The following ANTXR1 variants were observed in gnomAD, a reference collection of about 807,000 sequenced individuals.
The protein encoded by ANTXR1 is anthrax toxin receptor 1.
Under a neutral mutation model 78.1 loss-of-function variants are expected in ANTXR1, and 19 were observed. That is an observed-to-expected ratio of 0.24 (90% CI 0.17 to 0.36). The LOEUF (loss-of-function observed/expected upper bound fraction) is 0.36, where lower values mean the gene tolerates loss of function less well. ANTXR1 is among the 10% of genes least tolerant of loss of function. The pLI is 1.00. For missense variants in ANTXR1, 518 were observed against 718.6 expected (o/e 0.72, Z 3.19); for synonymous variants, 273 against 260.5 (o/e 1.05, Z -0.46).
chr2:69,134,973 A>C (rs1672867869), intron 12 of ANTXR1: 1 of 348,392 alleles, frequency 2.9e-6, no homozygotes, highest in Admixed American at 2.9e-5. Flanking sequence ...TATTATGATT[A>C]CTATTATTAT....
rs548379960 is a variant in ANTXR1 at position 69,152,390 on chromosome 2, T to C, written c.1047+126T>C. ...GACAAATCTTGCATTTTTTATACAA[T>C]TTATACAAAATTGATGTGAACTGAC... On this transcript the variant is annotated intron_variant, in intron 13 of 17. Transcript: ENST00000303714. 6.2e-6 allele frequency: 6 copies of C among 962,732 alleles called. No homozygotes were observed. The East Asian group carries it at 1.3e-4, about 21-fold the overall frequency. The allele number at this position is 962,732 out of a possible 1,614,324, so 59.6% of individuals were successfully genotyped here. A position where few individuals can be genotyped will look rare whatever the true frequency, so the allele number is the denominator to read the frequency against.
At chr2:69,035,480 C>T (rs1477193919) in intron 1 of ANTXR1, among the ~76,000 whole-genome samples, 1 of 152,020 alleles carries the variant, frequency 6.6e-6, no homozygotes, top group Non-Finnish European at 1.5e-5. Context: ...CGAGATACCC[C>T]TTTACTCTCT....
At chr2:69,174,445 A>G (rs1380341163) in intron 14 of ANTXR1, among the ~76,000 whole-genome samples, 50 of 152,106 alleles carry the variant, frequency 3.3e-4, no homozygotes, top group Non-Finnish European at 2.9e-5. Context: ...CCAACATGGC[A>G]AAACACTGTC....
At chr2:69,215,936 T>C (rs538496314) in intron 17 of ANTXR1, among the ~76,000 whole-genome samples, 7 of 151,970 alleles carry the variant, frequency 4.6e-5, no homozygotes, top group Non-Finnish European at 8.8e-5. Flanking sequence ...TGGAAGCCAG[T>C]CATTTACACT....
intron 8 of ANTXR1, among the ~76,000 whole-genome samples, chr2:69,080,609 G>A (rs1181141146): frequency 1.3e-5 from 2 of 152,180 alleles, no homozygotes; most frequent in Non-Finnish European, 2.9e-5. Context: ...GCAGGTAGAG[G>A]CTCTGTCCTG....
intron 16 of ANTXR1, among the ~76,000 whole-genome samples, chr2:69,186,441 T>C (rs2104468049): frequency 6.6e-6 from 1 of 152,356 alleles, no homozygotes; most frequent in South Asian, 2.1e-4. Flanking sequence ...TTTAGCCTTA[T>C]GTGGTACCAT....
chr2:69,156,832 G>C (rs1190183973), intron 13 of ANTXR1, among the ~76,000 whole-genome samples: 1 of 152,210 alleles, frequency 6.6e-6, no homozygotes, highest in Non-Finnish European at 1.5e-5. Context: ...ATGACTGATG[G>C]CTGCAATCAG....
At chr2:69,207,997 G>A (rs1674949945) in intron 17 of ANTXR1, among the ~76,000 whole-genome samples, 1 of 152,160 alleles carries the variant, frequency 6.6e-6, no homozygotes, top group African/African-American at 2.4e-5. Flanking sequence ...GACATTCAAA[G>A]GTAGGCACAA....
At position 69,124,348 on chromosome 2, in the gene ANTXR1, C is replaced by T. The variant is rs1020187906; in HGVS notation, c.873-217C>T. On this transcript the variant is annotated intron_variant, in intron 11 of 17. Coordinates refer to ENST00000303714, the MANE Select transcript of ANTXR1 (RefSeq NM_032208.3). Reference sequence around the variant, plus strand: ...GCCTTAATATACCAGCCAAGCATATCCTGACACTTCTCTAAACTTTAAAGG... The same window carrying T: ...GCCTTAATATACCAGCCAAGCATATTCTGACACTTCTCTAAACTTTAAAGG... 9.2e-5 allele frequency among the ~76,000 whole-genome samples: 14 copies of T among 152,316 alleles called. No homozygotes were observed. In the South Asian group the frequency reaches 1.4e-3, roughly 16 times the overall value.
intron 16 of ANTXR1, among the ~76,000 whole-genome samples, chr2:69,184,864 A>C (rs1674381573): frequency 6.6e-6 from 1 of 152,190 alleles, no homozygotes; most frequent in African/African-American, 2.4e-5. Context: ...AGTGATTTAA[A>C]AAATACAGAT....
chr2:69,070,622 C>A lies in ANTXR1; in HGVS notation c.297-25C>A, dbSNP rs767665224. The stretch of plus-strand genomic sequence containing the variant: ...CAAAGTAAAAAATACTCAAATAAGA[C>A]TAACAGAGTGTCTTTGGATTTCAGA... On this transcript the variant is annotated intron_variant, in intron 3 of 17. Transcript: ENST00000303714. 12 of 1,610,224 alleles carry A rather than the reference C, an allele frequency of 7.5e-6. No individual in the cohort carries two copies. The African/African-American group carries it at 1.3e-4, about 18-fold the overall frequency.
chr2:69,243,888 T>C (rs572796560), intron 17 of ANTXR1, among the ~76,000 whole-genome samples: 1 of 152,176 alleles, frequency 6.6e-6, no homozygotes, highest in Non-Finnish European at 1.5e-5. Context: ...AGCAATTCTG[T>C]AGGCATCCAG....
rs1056157634 is a variant in ANTXR1 at position 69,013,787 on chromosome 2, G to A, written c.152+136G>A. ...GCCACAGAGGGACCGCGCGGCAGGC[G>A]GCGGCGGAGTGCTGCGCCTTTGTTG... On this transcript the variant is annotated intron_variant, in intron 1 of 17. Coordinates refer to ENST00000303714, the MANE Select transcript of ANTXR1 (RefSeq NM_032208.3). This position sits in a 1 kb window ranked among gnomAD's most constrained non-coding sequence, Gnocchi z 5.0. The A allele has an allele frequency of 2.1e-5, 30 of 1,447,878 alleles. No homozygotes were observed. In the East Asian group the frequency reaches 3.0e-4, roughly 14 times the overall value. The allele number at this position is 1,447,878 out of a possible 1,614,324, so 89.7% of individuals were successfully genotyped here.
At chr2:69,204,161 C>G (rs944333447) in intron 17 of ANTXR1, among the ~76,000 whole-genome samples, 5 of 152,208 alleles carry the variant, frequency 3.3e-5, no homozygotes, top group Non-Finnish European at 5.9e-5. Flanking sequence ...GAGGGACATT[C>G]AGCATCTCCG....
intron 16 of ANTXR1, chr2:69,182,987 A>T: frequency 3.3e-6 from 1 of 299,720 alleles, no homozygotes; most frequent in Non-Finnish European, 6.2e-6. Context: ...TATTAAAAAA[A>T]AAAAAAAAAT....
Position 69,077,452 on chromosome 2 carries a change from T to C in ANTXR1, c.606T>C (p.Asn202=), listed in dbSNP as rs1372459152. ...GTAAGGATCATGTGTTTCCCGTGAA[T>C]GACGGCTTTCAGGCTCTGCAAGGCA... The part of the protein sequence containing the change: ...ADSKDHVFPV[N]DGFQALQGII... Residue 202 remains asparagine, a synonymous_variant, in exon 8 of 18, where the codon AAT becomes AAC. Coordinates refer to ENST00000303714, the MANE Select transcript of ANTXR1 (RefSeq NM_032208.3). 1 of 1,614,088 alleles carries C rather than the reference T, an allele frequency of 6.2e-7. No homozygotes were observed. The highest frequency in any genetic ancestry group is 8.5e-7 in the Non-Finnish European group (1 of 1,180,028).
intron 12 of ANTXR1, among the ~76,000 whole-genome samples, chr2:69,138,703 GTTAGT>G (rs1437566964): frequency 6.6e-6 from 1 of 152,180 alleles, no homozygotes; most frequent in African/African-American, 2.4e-5. Flanking sequence ...TGGAACAGAC[GTTAGT>G]TTAGTCAGTG....
chr2:69,193,612 G>A (rs1674597202), intron 17 of ANTXR1, among the ~76,000 whole-genome samples, 197 bp downstream of exon 17: 1 of 152,154 alleles, frequency 6.6e-6, no homozygotes, highest in South Asian at 2.1e-4. Flanking sequence ...ATCAGACATT[G>A]ATTTTCAAAA....
rs1674282449 is a variant in ANTXR1, at chr2:69,181,851, G to A, written c.1155G>A (p.Gly385=). ...WPTVDASYYG[G]RGVGGIKRME... Reference sequence around the variant, plus strand: ...CGGTAGACGCCTCTTATTATGGTGGGAGAGGCGTTGGAGGCATTAAAAGAA... The same window carrying A: ...CGGTAGACGCCTCTTATTATGGTGGAAGAGGCGTTGGAGGCATTAAAAGAA... Residue 385 remains glycine (G), a synonymous_variant, in exon 15 of 18, where the codon GGG becomes GGA. Transcript: ENST00000303714. The A allele has an allele frequency of 2.5e-6, 4 of 1,614,022 alleles. No individual in the cohort carries two copies. Among genetic ancestry groups the A allele is most frequent in the Non-Finnish European group, 3.4e-6 (4 of 1,180,004 alleles).
Sources: gnomAD v4.1 joint callset for allele counts (sites outside exome capture counted in the v4.1 genomes callset) on GRCh38, gnomAD v4.1.1 for gene constraint, Gnocchi (gnomAD v3.1) non-coding constraint, MANE v1.5 for transcripts, NCBI Gene and HGNC (gene_info 2026-07-23, HGNC 2026-07-21) for gene names.